Variants in ZC3HAV1 observed in about 807,000 individuals in gnomAD.
ZC3HAV1 encodes zinc finger CCCH-type containing, antiviral 1, also known as zinc finger CCCH-type antiviral protein 1.
ZC3HAV1 carries 41 observed loss-of-function variants against 86.6 expected under a neutral mutation model. That is an observed-to-expected ratio of 0.47 (90% CI 0.37 to 0.61). The LOEUF is 0.61. ZC3HAV1 is among the 20% of genes least tolerant of loss of function. The pLI, the probability that ZC3HAV1 is intolerant of heterozygous loss-of-function variation, is 0.00. For synonymous variants in ZC3HAV1, 421 were observed against 432.1 expected, an observed-to-expected ratio of 0.97 and a Z score of 0.32; for missense variants, 964 against 1,141.1, an observed-to-expected ratio of 0.84 and a Z score of 2.24.
intron 7 of ZC3HAV1, among the ~76,000 whole-genome samples, chr7:139,073,192 G>A (rs1816831970): frequency 6.6e-6 from 1 of 151,944 alleles, no homozygotes; most frequent in South Asian, 2.1e-4. Flanking sequence ...CCAGCTACTC[G>A]GGAGGCTGAG....
intron 4 of ZC3HAV1, chr7:139,079,070 G>C (rs1438042242): frequency 1.3e-6 from 2 of 1,534,468 alleles, no homozygotes; most frequent in Non-Finnish European, 1.7e-6. Flanking sequence ...GCAGACTCAA[G>C]ACACAGAGGC....
intron 9 of ZC3HAV1, among the ~76,000 whole-genome samples, chr7:139,057,300 G>A (rs1484440921): frequency 1.7e-5 from 2 of 115,028 alleles, no homozygotes; most frequent in Non-Finnish European, 4.0e-5. Context: ...TGAGGCTGCA[G>A]TGAGCCATGA....
At chr7:139,069,757 A>G (rs959238325) in intron 7 of ZC3HAV1, among the ~76,000 whole-genome samples, 6 of 152,076 alleles carry the variant, frequency 3.9e-5, no homozygotes, top group African/African-American at 1.4e-4. Flanking sequence ...ATATGTGCCT[A>G]CTCTGTTGGC....
chr7:139,060,948 C>T, intron 9 of ZC3HAV1, 88 bp downstream of exon 9: 1 of 1,603,744 alleles, frequency 6.2e-7, no homozygotes, highest in Non-Finnish European at 8.5e-7. Context: ...TTCAGGAAAA[C>T]AGGCTCCAGA....
In ZC3HAV1 at chr7:139,047,267, T is replaced by TGCAGTGAGCCGAGATC. The variant is rs1311124366; in HGVS notation, c.*311_*326dup. Reference sequence around the variant, plus strand: ...TTGCTTGAACCCGGGAGGCAGAGGTTGCAGTGAGCCGAGATCGCGCCACTG... The same window carrying TGCAGTGAGCCGAGATC: ...TTGCTTGAACCCGGGAGGCAGAGGTTGCAGTGAGCCGAGATCGCAGTGAGCCGAGATCGCGCCACTG... On this transcript the variant is annotated 3_prime_UTR_variant, in exon 13 of 13. Coordinates refer to ENST00000242351, the MANE Select transcript of ZC3HAV1 (RefSeq NM_020119.4). 2.2e-5 allele frequency: 6 copies of TGCAGTGAGCCGAGATC among 270,964 alleles called. No homozygotes were observed. Among genetic ancestry groups the TGCAGTGAGCCGAGATC allele is most frequent in the Non-Finnish European group, 3.4e-5 (5 of 145,194 alleles). The allele number at this position is 270,964 out of a possible 1,614,324, so 16.8% of individuals were successfully genotyped here.
At chr7:139,066,779 C>G (rs1218836429) in intron 7 of ZC3HAV1, among the ~76,000 whole-genome samples, 1 of 152,174 alleles carries the variant, frequency 6.6e-6, no homozygotes, top group African/African-American at 2.4e-5. Flanking sequence ...TGAATCGCTT[C>G]CCAATTTCCC....
At chr7:139,081,164 T>C (rs1450521504) in intron 3 of ZC3HAV1, among the ~76,000 whole-genome samples, 3 of 152,084 alleles carry the variant, frequency 2.0e-5, no homozygotes, top group East Asian at 1.9e-4. Context: ...GATGTTTATG[T>C]GGGGTGTGTT....
chr7:139,080,532 C>T (rs937076440), intron 3 of ZC3HAV1, among the ~76,000 whole-genome samples: 1 of 152,160 alleles, frequency 6.6e-6, no homozygotes, highest in Non-Finnish European at 1.5e-5. Context: ...TGGGCTCCAG[C>T]GATCCTCCCA....
chr7:139,056,670 G>A (rs1013919916), intron 9 of ZC3HAV1, among the ~76,000 whole-genome samples: 33 of 152,160 alleles, frequency 2.2e-4, no homozygotes, highest in African/African-American at 7.7e-4. Flanking sequence ...GCCTCCCAAA[G>A]TGCTAGGATT....
intron 1 of ZC3HAV1, among the ~76,000 whole-genome samples, chr7:139,107,127 A>G (rs1817959858): frequency 6.6e-6 from 1 of 152,218 alleles, no homozygotes; most frequent in Non-Finnish European, 1.5e-5. Flanking sequence ...CAACCATGTT[A>G]TTTGGTGTAG....
chr7:139,072,678 C>T (rs531818365), intron 7 of ZC3HAV1, among the ~76,000 whole-genome samples: 3 of 152,170 alleles, frequency 2.0e-5, no homozygotes, highest in Admixed American at 2.0e-4. Flanking sequence ...ACTATGCCCC[C>T]ACTATGGGTC....
intron 7 of ZC3HAV1, among the ~76,000 whole-genome samples, chr7:139,068,611 T>C (rs1359677539): frequency 4.6e-5 from 7 of 152,216 alleles, no homozygotes; most frequent in African/African-American, 1.7e-4. Context: ...AAAATGAAAT[T>C]GCCGCATGTG....
intron 1 of ZC3HAV1, among the ~76,000 whole-genome samples, chr7:139,097,428 A>ATATATATATATTTTTTTTTTTTTT: frequency 2.1e-5 from 1 of 48,160 alleles, no homozygotes; most frequent in African/African-American, 1.1e-4. Context: ...ATATATATAT[A>ATATATATATATTTTTTTTTTTTTT]TTTTTTTTTT....
chr7:139,089,981 G>A (rs1313769307), intron 1 of ZC3HAV1, among the ~76,000 whole-genome samples: 3 of 151,950 alleles, frequency 2.0e-5, no homozygotes, highest in African/African-American at 4.8e-5. Flanking sequence ...GTGCAGTGGT[G>A]CAACCTCGGC....
intron 6 of ZC3HAV1, 106 bp downstream of exon 6, chr7:139,076,180 G>T: frequency 6.6e-7 from 1 of 1,519,274 alleles, no homozygotes; most frequent in Non-Finnish European, 8.9e-7. Context: ...ACTCGAATGG[G>T]ATTCTGATGG....
chr7:139,059,009 A>T (rs200949061), intron 9 of ZC3HAV1, among the ~76,000 whole-genome samples: 1 of 79,886 alleles, frequency 1.3e-5, no homozygotes, highest in Non-Finnish European at 2.4e-5. Flanking sequence ...CCGGAACTTT[A>T]AAAAAAAAAA....
intron 5 of ZC3HAV1, 95 bp downstream of exon 5, chr7:139,078,457 G>A (rs1817020808): frequency 1.1e-6 from 1 of 877,710 alleles, no homozygotes; most frequent in Admixed American, 2.8e-5. Flanking sequence ...TGAAAGCAGG[G>A]TTTTCAGAAG....
rs199760401 is a variant in ZC3HAV1, at chr7:139,083,245, TGG to T, written c.697+533_697+534del. On this transcript the variant is annotated intron_variant, in intron 3 of 12. Coordinates refer to ENST00000242351, the MANE Select transcript of ZC3HAV1 (RefSeq NM_020119.4). ...AAAATGATATACACTTTTTTAAACC[TGG>T]GGGGGGGGGCAATAGTGCTAAGCAT... 1.2e-3 allele frequency among the ~76,000 whole-genome samples: 155 copies of T among 126,000 alleles called. 2 individuals are homozygous for T. Among genetic ancestry groups the T allele is most frequent in the African/African-American group, 3.2e-4 (12 of 37,028 alleles). 82.7% of individuals were successfully genotyped at this position (126,000 alleles called of 152,430 possible).
chr7:139,097,428 ATTTTTTT>A (rs11291842), intron 1 of ZC3HAV1, among the ~76,000 whole-genome samples: 3 of 48,160 alleles, frequency 6.2e-5, no homozygotes, highest in African/African-American at 1.1e-4. Flanking sequence ...ATATATATAT[ATTTTTTT>A]TTTTTTTTTT....
Sources: allele counts gnomAD v4.1 joint callset (sites outside exome capture counted in the v4.1 genomes callset), GRCh38; gene constraint gnomAD v4.1.1; transcripts MANE v1.5; gene names NCBI Gene and HGNC (gene_info 2026-07-23, HGNC 2026-07-21).